The following DCLK1 variants were observed in gnomAD, a reference collection of about 807,000 sequenced individuals.
DCLK1 encodes the protein serine/threonine-protein kinase DCLK1.
A neutral mutation model predicts 86.2 loss-of-function variants in DCLK1; 16 were observed. The ratio of observed to expected loss-of-function variants is 0.19; its 90% CI spans 0.13 to 0.28. The LOEUF is 0.28. DCLK1 is among the 10% of genes least tolerant of loss of function. The pLI is 1.00. For missense variants in DCLK1, 590 were observed against 940.2 expected (o/e 0.63, Z 4.87); for synonymous variants, 369 against 370.5 (o/e 1.00, Z 0.05).
chr13:36,105,914 G>GCGGC (rs1885377131), intron 3 of DCLK1, among the ~76,000 whole-genome samples: 1 of 152,110 alleles, frequency 6.6e-6, no homozygotes, highest in African/African-American at 2.4e-5. Context: ...CTCACAGGCC[G>GCGGC]GGTCAGGGCT....
At chr13:35,903,359 A>G (rs1874488717) in intron 4 of DCLK1, among the ~76,000 whole-genome samples, 1 of 152,192 alleles carries the variant, frequency 6.6e-6, no homozygotes, top group Non-Finnish European at 1.5e-5. Context: ...CTAGACAACT[A>G]ATTGAACAGT....
In DCLK1 at chr13:35,768,777, T is replaced by C. The variant is rs2086277218; in HGVS notation, c.*5758A>G. 6.6e-6 allele frequency: 1 copy of C among 152,256 alleles called. No homozygotes were observed. Among genetic ancestry groups the C allele is most frequent in the South Asian group, 2.1e-4 (1 of 4,830 alleles). 9.4% of individuals were successfully genotyped at this position (152,256 alleles called of 1,614,324 possible). ...TGCTCATGAAATACACACTGTGCTA[T>C]GGAGGACATGTGGGAAAGCTACACT... On this transcript the variant is annotated 3_prime_UTR_variant, in exon 17 of 17. Transcript: ENST00000360631.
chr13:36,123,245 A>G (rs1017541415), intron 2 of DCLK1, among the ~76,000 whole-genome samples: 14 of 152,352 alleles, frequency 9.2e-5, no homozygotes, highest in African/African-American at 3.4e-4. Context: ...TAACAGACTA[A>G]GCAAAAAATG....
chr13:35,883,641 A>G (rs1310474039), intron 4 of DCLK1, among the ~76,000 whole-genome samples: 1 of 152,208 alleles, frequency 6.6e-6, no homozygotes, highest in Non-Finnish European at 1.5e-5. Context: ...TTGTGAGTCT[A>G]AAAGGGAACT....
At chr13:35,942,229 T>A (rs1010971458) in intron 4 of DCLK1, among the ~76,000 whole-genome samples, 1 of 152,030 alleles carries the variant, frequency 6.6e-6, no homozygotes, top group Non-Finnish European at 1.5e-5. Flanking sequence ...TGCAGTGGTG[T>A]GATCTTGGCT....
rs758337667 is a variant in DCLK1, at chr13:35,771,554, C to A, written c.*2981G>T. 1 of 152,080 alleles carries A rather than the reference C, an allele frequency of 6.6e-6. No individual in the cohort carries two copies. The highest frequency in any genetic ancestry group is 1.5e-5 in the Non-Finnish European group (1 of 68,022). The allele number at this position is 152,080 out of a possible 1,614,324, so 9.4% of individuals were successfully genotyped here. On this transcript the variant is annotated 3_prime_UTR_variant, in exon 17 of 17. Coordinates refer to ENST00000360631, the MANE Select transcript of DCLK1 (RefSeq NM_001330071.2). Reference sequence around the variant, plus strand: ...AAAAATGTGTTCATTAATATGAACACATGTCTACAGAGATGATTTACACGA... The same window carrying A: ...AAAAATGTGTTCATTAATATGAACAAATGTCTACAGAGATGATTTACACGA...
At chr13:35,983,550 C>T (rs1054320906) in intron 3 of DCLK1, among the ~76,000 whole-genome samples, 1 of 152,060 alleles carries the variant, frequency 6.6e-6, no homozygotes. Flanking sequence ...TTTGATAGCA[C>T]CACAGGGTGA....
intron 4 of DCLK1, among the ~76,000 whole-genome samples, chr13:35,925,944 T>G (rs899120950): frequency 6.6e-6 from 1 of 152,234 alleles, no homozygotes; most frequent in African/African-American, 2.4e-5. Context: ...TATGCTTTAC[T>G]TAAACCCGTA....
chr13:36,053,672 T>C (rs999159279), intron 3 of DCLK1, among the ~76,000 whole-genome samples: 1 of 151,930 alleles, frequency 6.6e-6, no homozygotes, highest in Non-Finnish European at 1.5e-5. Flanking sequence ...GTGACATATA[T>C]ATGTCATAGG....
At chr13:35,846,478 T>G in intron 6 of DCLK1, 1 of 985,346 alleles carries the variant, frequency 1.0e-6, no homozygotes, top group Non-Finnish European at 1.2e-6. Flanking sequence ...ATCTTGGAAT[T>G]TATCCATAAT....
At chr13:35,810,239 G>A (rs905088216) in intron 12 of DCLK1, among the ~76,000 whole-genome samples, 2 of 152,222 alleles carry the variant, frequency 1.3e-5, no homozygotes, top group African/African-American at 2.4e-5. Context: ...GACTGGAAGA[G>A]TAAGAAGTAA....
At chr13:35,949,945 A>G (rs1169930813) in intron 3 of DCLK1, among the ~76,000 whole-genome samples, 1 of 150,942 alleles carries the variant, frequency 6.6e-6, no homozygotes. Context: ...AGTAACTGTC[A>G]TCACCCAGCA....
intron 3 of DCLK1, among the ~76,000 whole-genome samples, chr13:36,070,206 G>A (rs1451983124): frequency 6.6e-6 from 1 of 152,122 alleles, no homozygotes; most frequent in African/African-American, 2.4e-5. Flanking sequence ...CTGACCCAGA[G>A]GCAATAACAG....
intron 16 of DCLK1, among the ~76,000 whole-genome samples, chr13:35,782,847 T>G (rs2086552415): frequency 6.6e-6 from 1 of 152,256 alleles, no homozygotes; most frequent in Admixed American, 6.5e-5. Flanking sequence ...GTTGGAAAAC[T>G]CTTCTGGAGA....
intron 3 of DCLK1, among the ~76,000 whole-genome samples, chr13:36,033,569 G>A (rs554893995): frequency 7.2e-5 from 11 of 152,166 alleles, no homozygotes; most frequent in Admixed American, 6.5e-4. Flanking sequence ...CATATGGGAC[G>A]GCTGTAGGGT....
At chr13:36,124,674 C>G (rs912786015) in intron 2 of DCLK1, among the ~76,000 whole-genome samples, 2 of 152,188 alleles carry the variant, frequency 1.3e-5, no homozygotes, top group Non-Finnish European at 2.9e-5. Flanking sequence ...TATATGGCAT[C>G]CCTCCTGGAC....
At chr13:35,864,456 T>C (rs1414169943) in intron 5 of DCLK1, among the ~76,000 whole-genome samples, 1 of 114,068 alleles carries the variant, frequency 8.8e-6, no homozygotes, top group Non-Finnish European at 1.8e-5. Flanking sequence ...TCCCAGCTAC[T>C]TGGGAGGCTG....
chr13:35,983,245 C>G (rs1194022383), intron 3 of DCLK1, among the ~76,000 whole-genome samples: 2 of 152,194 alleles, frequency 1.3e-5, no homozygotes, highest in Admixed American at 1.3e-4. Flanking sequence ...CCTGCCTCAG[C>G]CTCCTAAAGC....
At chr13:36,039,719 C>G (rs2153154883) in intron 3 of DCLK1, among the ~76,000 whole-genome samples, 1 of 152,020 alleles carries the variant, frequency 6.6e-6, no homozygotes, top group Admixed American at 6.5e-5. Context: ...TTTGATCCAG[C>G]TAAACAAAGA....
Sources: gnomAD v4.1 joint callset for allele counts (sites outside exome capture counted in the v4.1 genomes callset) on GRCh38, gnomAD v4.1.1 for gene constraint, MANE v1.5 for transcripts, NCBI Gene and HGNC (gene_info 2026-07-23, HGNC 2026-07-21) for gene names.